Variants in DNM3 observed in about 807,000 individuals in gnomAD.
DNM3 encodes dynamin-3.
Under a neutral mutation model 101.6 loss-of-function variants are expected in DNM3, and 47 were observed. That is an observed-to-expected ratio of 0.46 (90% CI 0.37 to 0.59). DNM3 has a LOEUF of 0.59. Ranked by LOEUF, DNM3 falls within the 20% of genes least tolerant of loss-of-function variation. DNM3 has a pLI of 0.00. For missense variants in DNM3, 849 were observed against 1,085.7 expected, an observed-to-expected ratio of 0.78 and a Z score of 3.06; for synonymous variants, 385 against 387.9, an observed-to-expected ratio of 0.99 and a Z score of 0.09.
intron 14 of DNM3, among the ~76,000 whole-genome samples, chr1:172,236,122 T>C (rs12402454): frequency 0.22 from 33,209 of 152,132 alleles, 3,648 homozygotes; most frequent in East Asian, 0.28. Flanking sequence ...CAAACCTAAC[T>C]GTTGCTGTCC....
chr1:171,889,857 TG>T (rs1459729740), intron 1 of DNM3, among the ~76,000 whole-genome samples: 4 of 152,224 alleles, frequency 2.6e-5, no homozygotes, highest in Non-Finnish European at 5.9e-5. Flanking sequence ...AGGTGAAAGT[TG>T]GGCTTTAAGT....
intron 17 of DNM3, among the ~76,000 whole-genome samples, chr1:172,378,682 A>G (rs1486087571): frequency 3.3e-5 from 5 of 152,162 alleles, no homozygotes; most frequent in Middle Eastern, 6.8e-3. Context: ...TTTGGATTCA[A>G]TTCTTTGGCC....
rs1338025853 is a variant in DNM3, at chr1:172,387,294, C to T, written c.2220C>T (p.Ser740=). ...CCCTTGGGATAATTGGGGACATCAGCACAGCCACCGTGTCCACTCCGGCAC... is the reference window on the plus strand; with the variant it reads ...CCCTTGGGATAATTGGGGACATCAGTACAGCCACCGTGTCCACTCCGGCAC... ...KEALGIIGDI[S]TATVSTPAPP... The change falls in exon 19 of 21, where the codon AGC becomes AGT. Residue 740 remains serine, a synonymous_variant. Transcript: ENST00000627582. The T allele has an allele frequency of 6.2e-7, 1 of 1,613,788 alleles. No homozygotes were observed. Among genetic ancestry groups the T allele is most frequent in the South Asian group, 1.1e-5 (1 of 91,088 alleles).
At chr1:171,966,167 G>T (rs1216024505) in intron 2 of DNM3, among the ~76,000 whole-genome samples, 22 of 152,188 alleles carry the variant, frequency 1.4e-4, no homozygotes, top group Admixed American at 1.4e-3. Context: ...CTTTTGGGCA[G>T]CTTCTTTTCC....
intron 13 of DNM3, among the ~76,000 whole-genome samples, chr1:172,102,113 C>T (rs1447171232): frequency 6.6e-6 from 1 of 152,110 alleles, no homozygotes; most frequent in African/African-American, 2.4e-5. Context: ...CCACCTCGGC[C>T]TCTCAAAGTG....
chr1:172,077,711 G>T (rs1174193572), intron 11 of DNM3, among the ~76,000 whole-genome samples: 1 of 151,790 alleles, frequency 6.6e-6, no homozygotes, highest in African/African-American at 2.4e-5. Flanking sequence ...CATTTGCTGA[G>T]GAGTGTATTT....
At chr1:172,211,203 AG>A (rs1301492176) in intron 14 of DNM3, among the ~76,000 whole-genome samples, 4 of 152,140 alleles carry the variant, frequency 2.6e-5, no homozygotes, top group Non-Finnish European at 5.9e-5. Flanking sequence ...TAACTAATTA[AG>A]GCTTCAGAAA....
At chr1:172,029,645 A>G (rs2125788448) in intron 4 of DNM3, among the ~76,000 whole-genome samples, 1 of 152,302 alleles carries the variant, frequency 6.6e-6, no homozygotes, top group Middle Eastern at 3.4e-3. Flanking sequence ...ATGATTATAT[A>G]TTTAGAAAAC....
intron 2 of DNM3, among the ~76,000 whole-genome samples, chr1:171,944,873 TTTTTTTTTGAGGCAGGG>T (rs2042069903): frequency 8.0e-6 from 1 of 125,344 alleles, no homozygotes; most frequent in African/African-American, 3.1e-5. Context: ...TTTTTTTTTT[TTTTTTTTTGAGGCAGGG>T]TCTCACTCTG....
At chr1:172,166,196 A>G (rs887183924) in intron 14 of DNM3, among the ~76,000 whole-genome samples, 4 of 152,090 alleles carry the variant, frequency 2.6e-5, no homozygotes, top group Non-Finnish European at 2.9e-5. Context: ...ATAAAAATGT[A>G]GAAATGCTCA....
intron 2 of DNM3, among the ~76,000 whole-genome samples, chr1:171,980,952 A>T (rs558450372): frequency 6.6e-6 from 1 of 151,770 alleles, no homozygotes; most frequent in South Asian, 2.1e-4. Flanking sequence ...TGTATTTTTC[A>T]TAGAGACAGG....
In DNM3 at chr1:172,411,858, G is replaced by T. The variant is rs1012535559; in HGVS notation, c.*4017G>T. 3 of 985,624 alleles carry T rather than the reference G, an allele frequency of 3.0e-6. No homozygotes were observed. The highest frequency in any genetic ancestry group is 3.6e-6 in the Non-Finnish European group (3 of 829,866). 61.1% of individuals were successfully genotyped at this position (985,624 alleles called of 1,614,324 possible). A position where few individuals can be genotyped will look rare whatever the true frequency, so the allele number is the denominator to read the frequency against. On this transcript the variant is annotated 3_prime_UTR_variant, in exon 21 of 21. Coordinates refer to ENST00000627582, the MANE Select transcript of DNM3 (RefSeq NM_015569.5). ...TCAGAGTTTAATGTAAATGAATCTA[G>T]ATGATTTTGAAGAAATGATTATTCG...
chr1:172,388,645 C>T lies in DNM3; in HGVS notation c.2358C>T (p.Gly786=), dbSNP rs372714532. 1.8e-4 allele frequency: 293 copies of T among 1,613,912 alleles called. No individual in the cohort carries two copies. Among genetic ancestry groups the T allele is most frequent in the Middle Eastern group, 1.6e-4 (1 of 6,084 alleles). ...CTCCCCTCGCAAGGCCCACATCCGG[C>T]CGAGGACCAGCTCCTGCCATTCCCT... ...LSAPLARPTS[G]RGPAPAIPSP... Residue 786 remains glycine (G), a synonymous_variant, in exon 20 of 21, where the codon GGC becomes GGT. Coordinates refer to ENST00000627582, the MANE Select transcript of DNM3 (RefSeq NM_015569.5).
intron 1 of DNM3, 90 bp from the exon 2 acceptor site, chr1:171,921,658 A>G: frequency 3.0e-6 from 3 of 994,172 alleles, no homozygotes; most frequent in Non-Finnish European, 3.1e-6. Flanking sequence ...AAGGTTGGGA[A>G]TTAGGAGAAT....
chr1:172,163,690 A>G (rs1572785812), intron 14 of DNM3, among the ~76,000 whole-genome samples: 1 of 151,868 alleles, frequency 6.6e-6, no homozygotes, highest in Admixed American at 6.6e-5. Context: ...CTCTTTTTCT[A>G]TGAGTTCAAC....
At chr1:172,280,842 G>T (rs2063463184) in intron 15 of DNM3, among the ~76,000 whole-genome samples, 1 of 152,150 alleles carries the variant, frequency 6.6e-6, no homozygotes, top group Admixed American at 6.6e-5. Flanking sequence ...CACACAGAGT[G>T]AGAGATGAAA....
chr1:172,131,701 A>G (rs2056945167), intron 14 of DNM3: 2 of 270,574 alleles, frequency 7.4e-6, no homozygotes, highest in South Asian at 7.3e-5. Flanking sequence ...GCATGTTGGA[A>G]TTGTTCCTGT....
chr1:171,861,013 A>T (rs1248206120), intron 1 of DNM3, among the ~76,000 whole-genome samples: 1 of 152,102 alleles, frequency 6.6e-6, no homozygotes, highest in East Asian at 1.9e-4. Flanking sequence ...GAAGATATTA[A>T]TCAGTACTTG....
At chr1:172,247,658 TATTTA>T (rs1365148027) in intron 14 of DNM3, among the ~76,000 whole-genome samples, 1 of 120,636 alleles carries the variant, frequency 8.3e-6, no homozygotes, top group Non-Finnish European at 1.8e-5. Flanking sequence ...TATTATTTCT[TATTTA>T]TTTATTTATT....
Sources: allele counts gnomAD v4.1 joint callset (sites outside exome capture counted in the v4.1 genomes callset), GRCh38; gene constraint gnomAD v4.1.1; transcripts MANE v1.5; gene names NCBI Gene and HGNC (gene_info 2026-07-23, HGNC 2026-07-21).